The following KCNQ5 variants were observed in gnomAD, a reference collection of about 807,000 sequenced individuals.
KCNQ5 encodes potassium voltage-gated channel subfamily KQT member 5.
In KCNQ5, 30 loss-of-function variants were observed where a neutral mutation model predicts 98.2. The observed-to-expected ratio is 0.31, with a 90% CI of 0.23 to 0.41. KCNQ5 has a LOEUF of 0.41. KCNQ5 is among the 10% of genes least tolerant of loss of function. The pLI, the probability that KCNQ5 is intolerant of heterozygous loss-of-function variation, is 1.00. For synonymous variants in KCNQ5, 458 were observed against 449.4 expected, an observed-to-expected ratio of 1.02 and a Z score of -0.24; for missense variants, 835 against 1,182.5, an observed-to-expected ratio of 0.71 and a Z score of 4.31.
chr6:73,191,730 C>G (rs1436899690), intron 12 of KCNQ5, among the ~76,000 whole-genome samples: 1 of 152,078 alleles, frequency 6.6e-6, no homozygotes, highest in East Asian at 1.9e-4. Context: ...CTGTGGACAT[C>G]CAGAGATTGA....
Position 72,711,781 on chromosome 6 carries a change from A to T in KCNQ5, c.398+89194A>T, listed in dbSNP as rs186152710. 1.2e-3 allele frequency among the ~76,000 whole-genome samples: 189 copies of T among 152,282 alleles called. 2 individuals are homozygous for T. Among genetic ancestry groups the T allele is most frequent in the Admixed American group, 2.1e-3 (32 of 15,278 alleles). On this transcript the variant is annotated intron_variant, in intron 1 of 13. Coordinates refer to ENST00000370398, the MANE Select transcript of KCNQ5 (RefSeq NM_019842.4). ...TAAGAATGAATTTGTTGGGACAAGG[A>T]TTTCTTCTACATTTCTGGGTTTTTC... is the stretch of plus-strand genomic sequence containing the variant.
At chr6:73,194,085 C>T (rs1172763890) in intron 13 of KCNQ5, among the ~76,000 whole-genome samples, 2 of 152,150 alleles carry the variant, frequency 1.3e-5, no homozygotes, top group African/African-American at 4.8e-5. Flanking sequence ...ATTCTCCTGC[C>T]TCAGTTTCCC....
chr6:73,158,026 T>C (rs1582461437), intron 10 of KCNQ5: 1 of 701,826 alleles, frequency 1.4e-6, no homozygotes, highest in Middle Eastern at 3.4e-4. Flanking sequence ...TTAATGTCCA[T>C]GGGGAGGCCG....
intron 2 of KCNQ5, among the ~76,000 whole-genome samples, chr6:73,029,194 C>G (rs767927800): frequency 1.3e-5 from 2 of 152,180 alleles, no homozygotes; most frequent in Non-Finnish European, 2.9e-5. Context: ...GGAGTCATCT[C>G]TATCAGAGAT....
chr6:72,800,534 T>C (rs1489261806), intron 1 of KCNQ5, among the ~76,000 whole-genome samples: 1 of 152,160 alleles, frequency 6.6e-6, no homozygotes, highest in Non-Finnish European at 1.5e-5. Context: ...TTATTAGTCT[T>C]GCTAGCGGTC....
At chr6:73,014,325 A>C (rs1203819231) in intron 2 of KCNQ5, among the ~76,000 whole-genome samples, 1 of 152,080 alleles carries the variant, frequency 6.6e-6, no homozygotes, top group African/African-American at 2.4e-5. Context: ...GATGCATATT[A>C]TTTGCAAAAT....
intron 1 of KCNQ5, among the ~76,000 whole-genome samples, chr6:72,718,310 G>T (rs1018030702): frequency 6.6e-5 from 10 of 152,144 alleles, no homozygotes; most frequent in African/African-American, 2.4e-4. Context: ...CTCTCCCTTT[G>T]CTGGTCTGCA....
intron 1 of KCNQ5, among the ~76,000 whole-genome samples, chr6:72,862,329 G>A (rs751463763): frequency 6.6e-6 from 1 of 152,152 alleles, no homozygotes. Flanking sequence ...TAAAAAGGAA[G>A]TTGACTAAGT....
At chr6:73,146,192 A>T (rs530193400) in intron 10 of KCNQ5, among the ~76,000 whole-genome samples, 5 of 152,246 alleles carry the variant, frequency 3.3e-5, no homozygotes, top group South Asian at 4.1e-4. Context: ...GATTGCAATC[A>T]GATATCTCTG....
At chr6:72,946,297 C>T (rs903352960) in intron 1 of KCNQ5, among the ~76,000 whole-genome samples, 2 of 152,118 alleles carry the variant, frequency 1.3e-5, no homozygotes, top group East Asian at 1.9e-4. Context: ...AAACAAATTA[C>T]TTGATGATTC....
At chr6:73,189,009 A>G (rs1448696359) in intron 11 of KCNQ5, among the ~76,000 whole-genome samples, 1 of 149,108 alleles carries the variant, frequency 6.7e-6, no homozygotes, top group Non-Finnish European at 1.5e-5. Flanking sequence ...AAAAAAAGAC[A>G]TCTATGTCTG....
In KCNQ5 at chr6:73,144,446, G is replaced by A. The variant is rs144107645; in HGVS notation, c.1468+10805G>A. 1.2e-4 allele frequency among the ~76,000 whole-genome samples: 19 copies of A among 152,254 alleles called. No homozygotes were observed. The East Asian group carries it at 2.3e-3, about 19-fold the overall frequency. On this transcript the variant is annotated intron_variant, in intron 10 of 13. Coordinates refer to ENST00000370398, the MANE Select transcript of KCNQ5 (RefSeq NM_019842.4). ...TTGCACATGAAACCCTGAGATTTGC[G>A]TCTTTCATTAATCTAATGCAGTAGC...
intron 2 of KCNQ5, among the ~76,000 whole-genome samples, chr6:73,034,541 GTTAA>G (rs566402838): frequency 2.3e-3 from 349 of 152,314 alleles, no homozygotes; most frequent in African/African-American, 7.9e-3. Context: ...GAACAGTGCT[GTTAA>G]TTAATGAGAA....
Position 72,817,659 on chromosome 6 carries a change from G to A in KCNQ5, c.399-186249G>A, listed in dbSNP as rs190562279. On this transcript the variant is annotated intron_variant, in intron 1 of 13. Transcript: ENST00000370398. Reference sequence around the variant, plus strand: ...CTGTAATCCCAGCACTTTGGGAGGCGGAGGTGGGTGGATCACTTGAGGCCA... The same window carrying A: ...CTGTAATCCCAGCACTTTGGGAGGCAGAGGTGGGTGGATCACTTGAGGCCA... 8.5e-5 allele frequency among the ~76,000 whole-genome samples: 13 copies of A among 152,072 alleles called. 1 individual carries two copies. In the East Asian group the frequency reaches 1.7e-3, roughly 20 times the overall value.
intron 1 of KCNQ5, among the ~76,000 whole-genome samples, chr6:72,958,086 T>A (rs1173331823): frequency 6.6e-6 from 1 of 152,198 alleles, no homozygotes; most frequent in Non-Finnish European, 1.5e-5. Context: ...ATCTTTTTTT[T>A]TTCTTTTTAT....
chr6:72,672,542 G>A (rs1767180611), intron 1 of KCNQ5, among the ~76,000 whole-genome samples: 1 of 152,108 alleles, frequency 6.6e-6, no homozygotes, highest in Admixed American at 6.5e-5. Context: ...AAGTATATAA[G>A]TTTTGGTGTC....
At position 73,124,521 on chromosome 6, in the gene KCNQ5, T is replaced by C; in HGVS notation, c.1247+9T>C. 1 of 1,613,134 alleles carries C rather than the reference T, an allele frequency of 6.2e-7. No individual in the cohort carries two copies. Among genetic ancestry groups the C allele is most frequent in the Non-Finnish European group, 8.5e-7 (1 of 1,179,142 alleles). ...GGGGAAGCATCAAGCAGGTTTGTGA[T>C]TTCTCTCTTGCTACATGTTTGTTTA... On this transcript the variant is annotated intron_variant, in intron 9 of 13. Transcript: ENST00000370398.
intron 10 of KCNQ5, among the ~76,000 whole-genome samples, chr6:73,148,857 G>A (rs1777025192): frequency 6.6e-6 from 1 of 151,658 alleles, no homozygotes; most frequent in Non-Finnish European, 1.5e-5. Context: ...CTCATGTTAC[G>A]TAGAAATGCA....
At chr6:72,670,601 G>A (rs1045637329) in intron 1 of KCNQ5, among the ~76,000 whole-genome samples, 1 of 152,142 alleles carries the variant, frequency 6.6e-6, no homozygotes, top group African/African-American at 2.4e-5. Context: ...TAACTTAAAC[G>A]ACATGAATTT....
Sources: allele counts gnomAD v4.1 joint callset (sites outside exome capture counted in the v4.1 genomes callset), GRCh38; gene constraint gnomAD v4.1.1; transcripts MANE v1.5; gene names NCBI Gene and HGNC (gene_info 2026-07-23, HGNC 2026-07-21).